Variants in SLC25A42 observed in about 807,000 individuals in gnomAD.
SLC25A42 encodes mitochondrial coenzyme A transporter SLC25A42.
A neutral mutation model predicts 34.7 loss-of-function variants in SLC25A42; 19 were observed. The ratio of observed to expected loss-of-function variants is 0.55; its 90% CI spans 0.38 to 0.80. SLC25A42 has a LOEUF of 0.80. SLC25A42 is among the 30% of genes least tolerant of loss of function. The pLI is 0.00. For missense variants in SLC25A42, 364 were observed against 441.3 expected (o/e 0.82, Z 1.57); for synonymous variants, 205 against 191.2 (o/e 1.07, Z -0.59).
At position 19,081,640 on chromosome 19, in the gene SLC25A42, TC is replaced by T. The variant is rs1377182442; in HGVS notation, c.-34-14448del. Among the ~76,000 whole-genome samples the T allele has an allele frequency of 1.3e-5, 2 of 152,108 alleles. No homozygotes were observed. Among genetic ancestry groups the T allele is most frequent in the Non-Finnish European group, 2.9e-5 (2 of 68,016 alleles). On this transcript the variant is annotated intron_variant, in intron 1 of 7. Coordinates refer to ENST00000318596, the MANE Select transcript of SLC25A42 (RefSeq NM_178526.5). The surrounding 1 kb of genome is among the most constrained non-coding windows in gnomAD (Gnocchi z 4.5). ...CCCCGAACCCATCCAAGCCTCCCTGTCCCAGGAAACGACCTCACCACCTCCA... is the reference window on the plus strand; with the variant it reads ...CCCCGAACCCATCCAAGCCTCCCTGTCCAGGAAACGACCTCACCACCTCCA...
chr19:19,081,698 G>GGC lies in SLC25A42; in HGVS notation c.-34-14390_-34-14389dup, dbSNP rs2059682785. Among the ~76,000 whole-genome samples, 1 of 152,174 alleles carries GGC rather than the reference G, an allele frequency of 6.6e-6. No individual in the cohort carries two copies. ...AGGCAGAACCTGGACAGGCTCCTGA[G>GGC]GCGCCCGCCACCTCCCTCCACTGCA... On this transcript the variant is annotated intron_variant, in intron 1 of 7. Transcript: ENST00000318596. This position sits in a 1 kb window ranked among gnomAD's most constrained non-coding sequence, Gnocchi z 4.5.
At chr19:19,077,284 T>C (rs2059660046) in intron 1 of SLC25A42, among the ~76,000 whole-genome samples, 1 of 152,246 alleles carries the variant, frequency 6.6e-6, no homozygotes, top group African/African-American at 2.4e-5. Context: ...CACACTGTTG[T>C]GCAACCATCA....
At chr19:19,095,470 G>A (rs555509412) in intron 1 of SLC25A42, among the ~76,000 whole-genome samples, 2 of 152,090 alleles carry the variant, frequency 1.3e-5, no homozygotes, top group Non-Finnish European at 1.5e-5. Context: ...AAAATTAGCT[G>A]GGTGTGGTAG....
chr19:19,082,489 AG>A (rs756098464), intron 1 of SLC25A42, among the ~76,000 whole-genome samples: 83 of 151,658 alleles, frequency 5.5e-4, no homozygotes, highest in Non-Finnish European at 9.9e-4. Flanking sequence ...CAGCCACCCA[AG>A]TAGCTGGGGC....
chr19:19,110,675 G>C lies in SLC25A42; in HGVS notation c.756G>C (p.Arg252=), dbSNP rs375966484. The change falls in exon 8 of 8, where the codon CGG becomes CGC. Residue 252 remains arginine, a synonymous_variant. Coordinates refer to ENST00000318596, the MANE Select transcript of SLC25A42 (RefSeq NM_178526.5). ...CGTACCCGCTGGATGTGGTGCGGCG[G>C]CGCATGCAGACGGCCGGCGTCACGG... ...SASYPLDVVR[R]RMQTAGVTGY... The C allele has an allele frequency of 7.0e-5, 110 of 1,567,014 alleles. No homozygotes were observed. In the African/African-American group the frequency reaches 1.3e-3, roughly 19 times the overall value.
intron 1 of SLC25A42, among the ~76,000 whole-genome samples, chr19:19,067,351 G>A (rs2059607975): frequency 6.6e-6 from 1 of 152,192 alleles, no homozygotes; most frequent in Admixed American, 6.5e-5. Flanking sequence ...GGTGGATGAG[G>A]CAGGTGTATT....
chr19:19,090,404 CA>C (rs1308854935), intron 1 of SLC25A42, among the ~76,000 whole-genome samples: 1 of 136,042 alleles, frequency 7.4e-6, no homozygotes, highest in Non-Finnish European at 1.6e-5. Context: ...TTATTTAAAA[CA>C]AGTTTTACGT....
chr19:19,085,082 G>A (rs527782244), intron 1 of SLC25A42, among the ~76,000 whole-genome samples: 39 of 152,272 alleles, frequency 2.6e-4, no homozygotes, highest in African/African-American at 8.4e-4. Context: ...ACTGGGGCCT[G>A]AGTTCCCTCT....
chr19:19,065,724 T>C (rs2059598509), intron 1 of SLC25A42, among the ~76,000 whole-genome samples: 1 of 152,116 alleles, frequency 6.6e-6, no homozygotes, highest in Admixed American at 6.5e-5. Context: ...TGTATGTATA[T>C]GTGTGTGTGT....
At position 19,111,264 on chromosome 19, in the gene SLC25A42, G is replaced by A. The variant is rs2059863634; in HGVS notation, c.*388G>A. On this transcript the variant is annotated 3_prime_UTR_variant, in exon 8 of 8. Transcript: ENST00000318596. ...CCCACCAGGCTCAGAGCCAGACCGCGCCTGGACCTTCTTGTTCTGACTCCA... is the reference window on the plus strand; with the variant it reads ...CCCACCAGGCTCAGAGCCAGACCGCACCTGGACCTTCTTGTTCTGACTCCA... The A allele has an allele frequency of 4.1e-6, 1 of 241,242 alleles. No homozygotes were observed. Among genetic ancestry groups the A allele is most frequent in the South Asian group, 5.1e-5 (1 of 19,644 alleles). The allele number at this position is 241,242 out of a possible 1,614,324, so 14.9% of individuals were successfully genotyped here.
chr19:19,080,922 TTAA>T (rs1277026738), intron 1 of SLC25A42, among the ~76,000 whole-genome samples: 4 of 128,430 alleles, frequency 3.1e-5, no homozygotes, highest in African/African-American at 8.9e-5. Flanking sequence ...CCTATAAAAT[TTAA>T]AAAAAAAAAA....
At position 19,109,930 on chromosome 19, in the gene SLC25A42, C is replaced by T. The variant is rs1240855775; in HGVS notation, c.650-639C>T. ...GGGGCTCCCCAGGGAGGGCGCAGGT[C>T]GGGGACCAGGCACGGGAGCACCTAG... On this transcript the variant is annotated intron_variant, in intron 7 of 7. Transcript: ENST00000318596. This position sits in a 1 kb window ranked among gnomAD's most constrained non-coding sequence, Gnocchi z 4.1. Among the ~76,000 whole-genome samples the T allele has an allele frequency of 6.6e-6, 1 of 152,166 alleles. No homozygotes were observed. The highest frequency in any genetic ancestry group is 1.9e-4 in the East Asian group (1 of 5,196).
chr19:19,075,807 C>T lies in SLC25A42; in HGVS notation c.-35+11692C>T, dbSNP rs182583666. Among the ~76,000 whole-genome samples the T allele has an allele frequency of 6.8e-4, 104 of 152,330 alleles. 1 individual carries two copies. Among genetic ancestry groups the T allele is most frequent in the Admixed American group, 5.2e-3 (80 of 15,302 alleles). On this transcript the variant is annotated intron_variant, in intron 1 of 7. Coordinates refer to ENST00000318596, the MANE Select transcript of SLC25A42 (RefSeq NM_178526.5). ...CAGGTATCCTCCTTCACCTCCTGGCCTTGCTCTGCCCTCTAACTCTGTGTC... is the reference window on the plus strand; with the variant it reads ...CAGGTATCCTCCTTCACCTCCTGGCTTTGCTCTGCCCTCTAACTCTGTGTC...
intron 5 of SLC25A42, 158 bp from the exon 6 acceptor site, chr19:19,106,111 C>G (rs2059825976): frequency 3.1e-6 from 2 of 639,148 alleles, no homozygotes; most frequent in African/African-American, 1.8e-5. Flanking sequence ...TCCAGAGACC[C>G]CATCAGCTTG....
chr19:19,086,215 C>A (rs2059707889), intron 1 of SLC25A42, among the ~76,000 whole-genome samples: 3 of 152,044 alleles, frequency 2.0e-5, no homozygotes, highest in African/African-American at 2.4e-5. Context: ...ATCACTGCAA[C>A]CTCTGCCTCC....
At chr19:19,107,636 A>C (rs1400155585) in intron 6 of SLC25A42, among the ~76,000 whole-genome samples, 1 of 152,162 alleles carries the variant, frequency 6.6e-6, no homozygotes, top group Non-Finnish European at 1.5e-5. Context: ...CTCAAAACAA[A>C]AACAAAGAAA....
At chr19:19,098,637 G>A (rs967510127) in intron 2 of SLC25A42, among the ~76,000 whole-genome samples, 2 of 151,544 alleles carry the variant, frequency 1.3e-5, no homozygotes, top group African/African-American at 4.9e-5. Context: ...TAAGAGCCTT[G>A]GCTGGGCCCG....
At chr19:19,105,780 C>G (rs571742122) in intron 5 of SLC25A42, 53 bp downstream of exon 5, 6 of 1,442,458 alleles carry the variant, frequency 4.2e-6, no homozygotes, top group Non-Finnish European at 5.6e-6. Context: ...GCCCGCCCCT[C>G]TCTCTTTCTT....
At chr19:19,075,076 C>T (rs986846545) in intron 1 of SLC25A42, among the ~76,000 whole-genome samples, 1 of 151,934 alleles carries the variant, frequency 6.6e-6, no homozygotes, top group Non-Finnish European at 1.5e-5. Context: ...TCACCTGAGC[C>T]CAAAAGATGG....
Sources: gnomAD v4.1 joint callset for allele counts (sites outside exome capture counted in the v4.1 genomes callset) on GRCh38, gnomAD v4.1.1 for gene constraint, Gnocchi (gnomAD v3.1) non-coding constraint, MANE v1.5 for transcripts, NCBI Gene and HGNC (gene_info 2026-07-23, HGNC 2026-07-21) for gene names.